STARD5: variants seen among roughly 807,000 people sequenced by gnomAD.
The protein encoded by STARD5 is stAR-related lipid transfer protein 5.
Under a neutral mutation model 24.6 loss-of-function variants are expected in STARD5, and 26 were observed. The ratio of observed to expected loss-of-function variants is 1.06; its 90% confidence interval spans 0.77 to 1.47. The LOEUF is 1.47. Among genes scored for constraint, STARD5 ranks in the 40% most tolerant of loss-of-function variants. The pLI is 0.00. For synonymous variants in STARD5, 101 were observed against 99.7 expected (o/e 1.01, Z -0.07); for missense variants, 254 against 270.8 (o/e 0.94, Z 0.44).
intron 1 of STARD5, 63 bp downstream of exon 1, chr15:81,323,938 T>C (rs1402939759): frequency 6.5e-7 from 1 of 1,527,194 alleles, no homozygotes; most frequent in East Asian, 2.4e-5. Flanking sequence ...CTTGGGGGCT[T>C]CTGGGGACCC....
chr15:81,318,987 G>A (rs1297430112), intron 4 of STARD5, among the ~76,000 whole-genome samples: 1 of 152,056 alleles, frequency 6.6e-6, no homozygotes, highest in Non-Finnish European at 1.5e-5. Context: ...TTAAGGGAGT[G>A]GACAGCATCC....
chr15:81,316,052 T>C (rs1901076533), intron 5 of STARD5, among the ~76,000 whole-genome samples: 1 of 152,118 alleles, frequency 6.6e-6, no homozygotes, highest in African/African-American at 2.4e-5. Context: ...AACACCTCCC[T>C]CTGTGCTGTT....
intron 2 of STARD5, 137 bp from the exon 3 acceptor site, chr15:81,322,677 A>G (rs944953247): frequency 1.4e-6 from 2 of 1,421,150 alleles, no homozygotes; most frequent in African/African-American, 2.8e-5. Context: ...AGGGGCTGAA[A>G]GTCACTAGCC....
intron 5 of STARD5, among the ~76,000 whole-genome samples, chr15:81,317,338 G>C (rs76790895): frequency 0.017 from 2,577 of 152,230 alleles, 35 homozygotes; most frequent in Non-Finnish European, 0.022. Flanking sequence ...CTCTTATTCT[G>C]AAAATTCCTC....
At chr15:81,315,365 C>T (rs987427898) in intron 5 of STARD5, among the ~76,000 whole-genome samples, 4 of 152,150 alleles carry the variant, frequency 2.6e-5, no homozygotes, top group African/African-American at 9.7e-5. Flanking sequence ...CTCTTCGTCA[C>T]AGTGGCCTTG....
At chr15:81,322,707 C>A in intron 2 of STARD5, 167 bp from the exon 3 acceptor site, 2 of 1,278,492 alleles carry the variant, frequency 1.6e-6, no homozygotes, top group Non-Finnish European at 2.2e-6. Flanking sequence ...TTCAGGCCTG[C>A]AGAAATGGAC....
chr15:81,322,612 T>C (rs942548634), intron 2 of STARD5, 72 bp from the exon 3 acceptor site: 29 of 1,604,248 alleles, frequency 1.8e-5, no homozygotes, highest in Admixed American at 5.0e-5. Flanking sequence ...ATCTAAGGAC[T>C]AGAAGGTGGA....
Position 81,319,604 on chromosome 15 carries a change from G to A in STARD5, c.283-148C>T, listed in dbSNP as rs928355671. 30 of 725,536 alleles carry A rather than the reference G, an allele frequency of 4.1e-5. No individual in the cohort carries two copies. In the East Asian group the frequency reaches 7.2e-4, roughly 17 times the overall value. The allele number at this position is 725,536 out of a possible 1,614,324, so 44.9% of individuals were successfully genotyped here. ...TTAAGATCCAGAGCGAGTCTTCCCA[G>A]GAACTGGGTGTCATGGAAATACACC... On this transcript the variant is annotated intron_variant, in intron 3 of 5. Transcript: ENST00000302824.
chr15:81,318,424 C>T lies in STARD5; in HGVS notation c.479G>A (p.Cys160Tyr). 6.2e-7 allele frequency: 1 copy of T among 1,614,194 alleles called. No homozygotes were observed. Residue 160 changes from cysteine (C) to tyrosine (Y), a missense_variant, in exon 5 of 6, where the codon TGT (cysteine) becomes TAT (tyrosine). Transcript: ENST00000302824. Reference protein sequence around the residue: ...RGFNHPCGCFCEPLPGEPTKT... With the variant: ...RGFNHPCGCFYEPLPGEPTKT... ...TTATCCTTACCCTGGAAGAGGTTCACAGAAGCAACCACAAGGATGGTTAAA... is the reference window on the plus strand; with the variant it reads ...TTATCCTTACCCTGGAAGAGGTTCATAGAAGCAACCACAAGGATGGTTAAA...
intron 3 of STARD5, among the ~76,000 whole-genome samples, chr15:81,320,445 A>G (rs1458860803): frequency 6.6e-6 from 1 of 152,198 alleles, no homozygotes; most frequent in Non-Finnish European, 1.5e-5. Context: ...CCTGCCTGGG[A>G]ACAGGCTGCA....
intron 3 of STARD5, among the ~76,000 whole-genome samples, chr15:81,320,150 G>A (rs12902145): frequency 0.14 from 21,843 of 152,120 alleles, 2,029 homozygotes; most frequent in South Asian, 0.36. Context: ...CGAGGTCACA[G>A]TGGAGAAGTA....
rs1297117395 is a variant in STARD5 at position 81,312,409 on chromosome 15, C to T, written c.*847G>A. The T allele has an allele frequency of 6.6e-6, 1 of 152,238 alleles. No individual in the cohort carries two copies. Among genetic ancestry groups the T allele is most frequent in the East Asian group, 1.9e-4 (1 of 5,188 alleles). 9.4% of individuals were successfully genotyped at this position (152,238 alleles called of 1,614,324 possible). ...GCCAGGGCCTGGAAGACAGAGACCT[C>T]CTGCCTCCGCCTCAGTAAGACGACA... On this transcript the variant is annotated 3_prime_UTR_variant, in exon 6 of 6. Transcript: ENST00000302824.
At chr15:81,314,260 A>G (rs765024843) in intron 5 of STARD5, among the ~76,000 whole-genome samples, 3 of 152,168 alleles carry the variant, frequency 2.0e-5, no homozygotes, top group Non-Finnish European at 4.4e-5. Flanking sequence ...TAATTTGAGC[A>G]CCTATGAAGG....
In STARD5 at chr15:81,322,495, C is replaced by T; in HGVS notation, c.195G>A (p.Trp65Ter). 2 of 1,614,204 alleles carry T rather than the reference C, an allele frequency of 1.2e-6. No individual in the cohort carries two copies. Among genetic ancestry groups the T allele is most frequent in the Non-Finnish European group, 1.7e-6 (2 of 1,180,042 alleles). Residue 65 changes from tryptophan to a stop codon, truncating the protein, a stop_gained, in exon 3 of 6, where the codon TGG becomes TGA. Transcript: ENST00000302824. LOFTEE classifies it high-confidence loss of function. ...GIVYGTLEEV[W>*]DCVKPAVGGL... ...CTCCAACAGCTGGCTTCACACAGTC[C>T]CACACCTCCTCTAGTGTCCCATATA...
In STARD5 at chr15:81,319,338, C is replaced by T; in HGVS notation, c.400+1G>A. 1.2e-6 allele frequency: 2 copies of T among 1,612,704 alleles called. No individual in the cohort carries two copies. Among genetic ancestry groups the T allele is most frequent in the South Asian group, 1.1e-5 (1 of 91,040 alleles). On this transcript the variant is annotated splice_donor_variant, in intron 4 of 5. Coordinates refer to ENST00000302824, the MANE Select transcript of STARD5 (RefSeq NM_181900.3). LOFTEE classifies it high-confidence loss of function. ...TGGCAGCTCCTCCGGGCATCACTCA[C>T]CGTTGGAACTGATGGTCCCATCCTC...
Position 81,310,994 on chromosome 15 carries a change from C to A in STARD5, c.*2262G>T, listed in dbSNP as rs987032355. ...GGAGACACAACAACTCCTAGGGCCA[C>A]TGAAGATATAACTATTGCCCAGGTT... On this transcript the variant is annotated 3_prime_UTR_variant, in exon 6 of 6. Coordinates refer to ENST00000302824, the MANE Select transcript of STARD5 (RefSeq NM_181900.3). The A allele has an allele frequency of 1.3e-5, 2 of 152,242 alleles. No individual in the cohort carries two copies. Among genetic ancestry groups the A allele is most frequent in the African/African-American group, 4.8e-5 (2 of 41,452 alleles). 9.4% of individuals were successfully genotyped at this position (152,242 alleles called of 1,614,324 possible).
intron 5 of STARD5, among the ~76,000 whole-genome samples, chr15:81,316,248 T>G (rs1901080794): frequency 6.6e-6 from 1 of 152,240 alleles, no homozygotes; most frequent in Non-Finnish European, 1.5e-5. Context: ...GGCACCTTTA[T>G]CTGGGTTTAG....
At chr15:81,319,262 C>G in intron 4 of STARD5, 77 bp downstream of exon 4, 1 of 1,311,948 alleles carries the variant, frequency 7.6e-7, no homozygotes, top group Non-Finnish European at 1.1e-6. Context: ...CTTGGCTTTC[C>G]TTAAGGAACT....
intron 3 of STARD5, 28 bp downstream of exon 3, chr15:81,322,380 T>C (rs1423257733): frequency 6.2e-7 from 1 of 1,613,914 alleles, no homozygotes; most frequent in Admixed American, 1.7e-5. Flanking sequence ...AGACACTATC[T>C]AGAGATAACA....
Sources: gnomAD v4.1 joint callset for allele counts (sites outside exome capture counted in the v4.1 genomes callset) on GRCh38, gnomAD v4.1.1 for gene constraint, MANE v1.5 for transcripts, NCBI Gene and HGNC (gene_info 2026-07-23, HGNC 2026-07-21) for gene names.